SLC39A10: variants seen among roughly 807,000 people sequenced by gnomAD.
SLC39A10 encodes the protein solute carrier family 39 member 10, also known as zinc transporter ZIP10.
Under a neutral mutation model 65.1 loss-of-function variants are expected in SLC39A10, and 13 were observed. That is an observed-to-expected ratio of 0.20 (90% CI 0.13 to 0.32). SLC39A10 has a LOEUF of 0.32. SLC39A10 is among the 10% of genes least tolerant of loss of function. SLC39A10 has a pLI of 1.00. For missense variants in SLC39A10, 831 were observed against 1,018.4 expected (o/e 0.82, Z 2.50); for synonymous variants, 321 against 342.2 (o/e 0.94, Z 0.68).
intron 1 of SLC39A10, among the ~76,000 whole-genome samples, chr2:195,678,601 A>T (rs1258725648): frequency 6.6e-6 from 1 of 150,562 alleles, no homozygotes; most frequent in Non-Finnish European, 1.5e-5. Flanking sequence ...ATGAAACATA[A>T]ATTCTTAATT....
rs1294895886 is a variant in SLC39A10, at chr2:195,736,269, TAATTGTGAATG to T, written c.*1230_*1240del. The T allele has an allele frequency of 6.3e-6, 1 of 158,454 alleles. No individual in the cohort carries two copies. Among genetic ancestry groups the T allele is most frequent in the Non-Finnish European group, 1.5e-5 (1 of 68,060 alleles). 9.8% of individuals were successfully genotyped at this position (158,454 alleles called of 1,614,324 possible). ...TTTTAGGTGCCCTGTTCTCCTACCATAATTGTGAATGATTTGTGAGAAGTGCAAGCCATGTT... is the reference window on the plus strand; with the variant it reads ...TTTTAGGTGCCCTGTTCTCCTACCATATTTGTGAGAAGTGCAAGCCATGTT... On this transcript the variant is annotated 3_prime_UTR_variant, in exon 10 of 10. Transcript: ENST00000359634.
intron 3 of SLC39A10, among the ~76,000 whole-genome samples, chr2:195,699,370 A>C (rs1691092647): frequency 6.9e-6 from 1 of 145,186 alleles, no homozygotes; most frequent in South Asian, 2.2e-4. Context: ...CCTTAAGTGT[A>C]ATGTTAAGTT....
chr2:195,626,779 C>A (rs1688482896), intron 2 of SLC39A10, among the ~76,000 whole-genome samples: 1 of 152,102 alleles, frequency 6.6e-6, no homozygotes, highest in African/African-American at 2.4e-5. Flanking sequence ...AAAAGAATGC[C>A]AGGTAAAATA....
At chr2:195,615,090 G>C (rs1031832253) in intron 2 of SLC39A10, among the ~76,000 whole-genome samples, 2 of 152,076 alleles carry the variant, frequency 1.3e-5, no homozygotes, top group Non-Finnish European at 2.9e-5. Context: ...GAGGGGGTCT[G>C]GTTTCCCTCA....
At chr2:195,630,119 G>GTA (rs575291839) in intron 2 of SLC39A10, among the ~76,000 whole-genome samples, 1 of 145,564 alleles carries the variant, frequency 6.9e-6, no homozygotes, top group Non-Finnish European at 1.5e-5. Flanking sequence ...GTGTGTGTGT[G>GTA]TGTGTGTGTG....
intron 2 of SLC39A10, among the ~76,000 whole-genome samples, chr2:195,617,536 TG>T (rs1688242569): frequency 6.6e-6 from 1 of 151,680 alleles, no homozygotes; most frequent in African/African-American, 2.4e-5. Context: ...TACTCCAGCC[TG>T]GGTGACAGAG....
chr2:195,655,640 C>G (rs1253014452), upstream of SLC39A10, among the ~76,000 whole-genome samples: 4 of 152,166 alleles, frequency 2.6e-5, no homozygotes, highest in African/African-American at 9.7e-5. Flanking sequence ...AGGACCACAG[C>G]TATTGTCTCA....
intron 7 of SLC39A10, among the ~76,000 whole-genome samples, chr2:195,717,925 T>C (rs985537275): frequency 2.0e-5 from 3 of 152,180 alleles, no homozygotes; most frequent in Non-Finnish European, 4.4e-5. Flanking sequence ...CTTAGACTTA[T>C]AAGACTTAAA....
At position 195,650,139 on chromosome 2, in the gene SLC39A10, G is replaced by A. The variant is rs1382308836; in HGVS notation, c.-11-29893G>A. 3.3e-5 allele frequency among the ~76,000 whole-genome samples: 5 copies of A among 151,908 alleles called. 1 individual carries two copies. The highest frequency in any genetic ancestry group is 2.1e-4 in the South Asian group (1 of 4,818). On this transcript the variant is annotated intron_variant, in intron 2 of 2. Coordinates refer to the SLC39A10 transcript ENST00000458054. ...ACACTAAAAATACAAAAAATTAGCC[G>A]GGCATGGTGGTGGGCAGCTGTAGTC...
At chr2:195,633,728 C>T (rs1233281668) in intron 2 of SLC39A10, among the ~76,000 whole-genome samples, 1 of 152,154 alleles carries the variant, frequency 6.6e-6, no homozygotes, top group Non-Finnish European at 1.5e-5. Context: ...CTTTGCTGGA[C>T]TCCACTCTGA....
At chr2:195,619,221 G>C (rs932295296) in intron 2 of SLC39A10, among the ~76,000 whole-genome samples, 6 of 151,950 alleles carry the variant, frequency 3.9e-5, no homozygotes, top group Non-Finnish European at 7.4e-5. Flanking sequence ...TTAGGTAGTA[G>C]AGTAAAATAA....
rs564758604 is a variant in SLC39A10 at position 195,662,746 on chromosome 2, T to C, written c.-12+5465T>C. ...GATTGGCACTTTAAAAAAAAATCTG[T>C]AAATTAAATTTGGATCAGCAAACTA... On this transcript the variant is annotated intron_variant, in intron 1 of 9. Coordinates refer to ENST00000359634, the MANE Select transcript of SLC39A10 (RefSeq NM_020342.3). 7.2e-5 allele frequency among the ~76,000 whole-genome samples: 11 copies of C among 152,318 alleles called. 1 individual carries two copies. Among genetic ancestry groups the C allele is most frequent in the African/African-American group, 2.6e-4 (11 of 41,564 alleles).
In SLC39A10 at chr2:195,734,913, A is replaced by C; in HGVS notation, c.2368A>C (p.Asn790His). ...AGAAATGTTGCATGGTGATGGTGACAATGAAGAACATGGCTTTTGTCCTGT... is the reference window on the plus strand; with the variant it reads ...AGAAATGTTGCATGGTGATGGTGACCATGAAGAACATGGCTTTTGTCCTGT... ...LPEMLHGDGD[N>H]EEHGFCPVGQ... Residue 790 changes from asparagine (N) to histidine (H), a missense_variant, in exon 10 of 10, where the codon AAT becomes CAT. By Grantham distance (68) the Asn-to-His change is moderately conservative. Coordinates refer to ENST00000359634, the MANE Select transcript of SLC39A10 (RefSeq NM_020342.3). 1.9e-6 allele frequency: 3 copies of C among 1,609,954 alleles called. No homozygotes were observed. The South Asian group carries it at 3.3e-5, about 18-fold the overall frequency.
At chr2:195,614,665 A>AT (rs1417068125) in intron 2 of SLC39A10, among the ~76,000 whole-genome samples, 1 of 152,208 alleles carries the variant, frequency 6.6e-6, no homozygotes, top group Non-Finnish European at 1.5e-5. Context: ...AACTCTGCTA[A>AT]TTCACCATTT....
rs1691828936 is a variant in SLC39A10 at position 195,716,792 on chromosome 2, G to A, written c.1852G>A (p.Glu618Lys). 2 of 1,614,014 alleles carry A rather than the reference G, an allele frequency of 1.2e-6. No homozygotes were observed. The highest frequency in any genetic ancestry group is 1.1e-5 in the South Asian group (1 of 91,086). Residue 618 changes from glutamate to lysine, a missense_variant, in exon 7 of 10, where the codon GAG becomes AAG. Around this residue, in one of 4 missense-constraint regions of SLC39A10, gnomAD observed 230 missense variants for 242.9 expected, o/e 0.95. Coordinates refer to ENST00000359634, the MANE Select transcript of SLC39A10 (RefSeq NM_020342.3). ...CAGTGATGGATTACATACCATTCATGAGCATGATCTCCATGCTGCTGCACA... is the reference window on the plus strand; with the variant it reads ...CAGTGATGGATTACATACCATTCATAAGCATGATCTCCATGCTGCTGCACA... ...SHSDGLHTIH[E>K]HDLHAAAHNH...
chr2:195,722,747 T>C (rs1692091232), intron 8 of SLC39A10, among the ~76,000 whole-genome samples: 1 of 152,194 alleles, frequency 6.6e-6, no homozygotes, highest in Non-Finnish European at 1.5e-5. Context: ...TTCAGGATAA[T>C]TTATTTGATC....
intron 1 of SLC39A10, among the ~76,000 whole-genome samples, chr2:195,679,335 T>C (rs1690216810): frequency 6.6e-6 from 1 of 152,210 alleles, no homozygotes; most frequent in Non-Finnish European, 1.5e-5. Flanking sequence ...GACCATCCTT[T>C]CCGGTTTTTA....
intron 2 of SLC39A10, among the ~76,000 whole-genome samples, chr2:195,650,424 G>A (rs964295201): frequency 6.6e-6 from 1 of 152,208 alleles, no homozygotes; most frequent in African/African-American, 2.4e-5. Context: ...TTCTGAGTAG[G>A]TCTTTCTCTT....
intron 3 of SLC39A10, among the ~76,000 whole-genome samples, chr2:195,703,544 A>G (rs952182056): frequency 1.3e-5 from 2 of 152,212 alleles, no homozygotes; most frequent in African/African-American, 2.4e-5. Flanking sequence ...CATGCTATAC[A>G]TATTTCCTCT....
Sources: gnomAD v4.1 joint callset for allele counts (sites outside exome capture counted in the v4.1 genomes callset) on GRCh38, gnomAD v4.1.1 for gene constraint, gnomAD v4.1.1 regional missense constraint, MANE v1.5 for transcripts, NCBI Gene and HGNC (gene_info 2026-07-23, HGNC 2026-07-21) for gene names.